Variants in CDC14B observed in about 807,000 individuals in gnomAD.
CDC14B encodes cell division cycle 14B.
CDC14B carries 22 observed loss-of-function variants against 64.2 expected under a neutral mutation model. That is an observed-to-expected ratio of 0.34 (90% CI 0.24 to 0.49). The LOEUF is 0.49. CDC14B is among the 20% of genes least tolerant of loss of function. The probability of loss-of-function intolerance (pLI) is 0.99; values close to 1 mark genes in which losing one functional copy is unlikely to be tolerated. For missense variants in CDC14B, 498 were observed against 629.9 expected, an observed-to-expected ratio of 0.79 and a Z score of 2.24; for synonymous variants, 191 against 215.8, an observed-to-expected ratio of 0.89 and a Z score of 1.01.
At chr9:96,588,646 C>G (rs1306859912) in intron 1 of CDC14B, among the ~76,000 whole-genome samples, 1 of 152,052 alleles carries the variant, frequency 6.6e-6, no homozygotes, top group Non-Finnish European at 1.5e-5. Context: ...AACACCATAC[C>G]TGGCTAAGTT....
chr9:96,601,228 G>A (rs1312905365), intron 1 of CDC14B, among the ~76,000 whole-genome samples: 1 of 152,136 alleles, frequency 6.6e-6, no homozygotes, highest in Non-Finnish European at 1.5e-5. Flanking sequence ...GCCAGGTGTG[G>A]TGGCTCACAC....
intron 4 of CDC14B, among the ~76,000 whole-genome samples, chr9:96,556,014 T>A (rs1026020361): frequency 6.6e-6 from 1 of 152,190 alleles, no homozygotes; most frequent in African/African-American, 2.4e-5. Flanking sequence ...TTTCAATGTT[T>A]CAATGCTGAC....
At position 96,503,640 on chromosome 9, in the gene CDC14B, G is replaced by A; in HGVS notation, c.*113C>T. 14 of 894,370 alleles carry A rather than the reference G, an allele frequency of 1.6e-5. No homozygotes were observed. In the South Asian group the frequency reaches 1.9e-4, roughly 12 times the overall value. 55.4% of individuals were successfully genotyped at this position (894,370 alleles called of 1,614,324 possible). ...TTTTCTCCATTGATCAACTTCTTAG[G>A]TGGAAAAAGCAACTAAGGCTTTTGC... On this transcript the variant is annotated 3_prime_UTR_variant, in exon 14 of 14. Coordinates refer to ENST00000375241, the MANE Select transcript of CDC14B (RefSeq NM_033331.4).
chr9:96,504,538 G>A (rs1363927087), intron 13 of CDC14B, among the ~76,000 whole-genome samples: 2 of 152,228 alleles, frequency 1.3e-5, no homozygotes, highest in African/African-American at 4.8e-5. Flanking sequence ...AGAGCACTGA[G>A]TCAAAGATCC....
chr9:96,584,702 G>A (rs1421186876), intron 1 of CDC14B, among the ~76,000 whole-genome samples: 1 of 152,196 alleles, frequency 6.6e-6, no homozygotes, highest in African/African-American at 2.4e-5. Flanking sequence ...CGCCCAGGCT[G>A]TAGTGCAGTG....
At chr9:96,574,507 A>C (rs904634966) in intron 1 of CDC14B, among the ~76,000 whole-genome samples, 1 of 152,072 alleles carries the variant, frequency 6.6e-6, no homozygotes, top group Non-Finnish European at 1.5e-5. Flanking sequence ...ATATATAGGA[A>C]AATAACTCAT....
chr9:96,550,640 G>T (rs1841662983), intron 5 of CDC14B, among the ~76,000 whole-genome samples: 1 of 152,156 alleles, frequency 6.6e-6, no homozygotes, highest in African/African-American at 2.4e-5. Context: ...GGAAGAACAA[G>T]CAGTTTTTGA....
chr9:96,592,785 C>CA (rs1460460480), intron 1 of CDC14B, among the ~76,000 whole-genome samples: 3 of 151,484 alleles, frequency 2.0e-5, no homozygotes, highest in Non-Finnish European at 4.4e-5. Flanking sequence ...AAAACAAAAA[C>CA]AAAAAAACAG....
rs1175762827 is a variant in CDC14B at position 96,619,754 on chromosome 9, G to C, written c.-376C>G. The C allele has an allele frequency of 6.6e-6, 1 of 151,410 alleles. No homozygotes were observed. Among genetic ancestry groups the C allele is most frequent in the South Asian group, 2.1e-4 (1 of 4,822 alleles). The allele number at this position is 151,410 out of a possible 1,614,324, so 9.4% of individuals were successfully genotyped here. On this transcript the variant is annotated 5_prime_UTR_variant, in exon 1 of 14. Coordinates refer to ENST00000375241, the MANE Select transcript of CDC14B (RefSeq NM_033331.4). ...CGGGGTAACCGTGCGTGCCCACCGC[G>C]GCCGCGGCCGCTGCTGCGTAGGCGC...
intron 4 of CDC14B, among the ~76,000 whole-genome samples, chr9:96,554,553 TG>T (rs1842252952): frequency 6.6e-6 from 1 of 152,102 alleles, no homozygotes; most frequent in Non-Finnish European, 1.5e-5. Flanking sequence ...TTTTTTCCTA[TG>T]GGGGAAAAAA....
downstream of CDC14B, among the ~76,000 whole-genome samples, chr9:96,499,516 T>C (rs1399895619): frequency 1.3e-5 from 2 of 152,228 alleles, no homozygotes; most frequent in Non-Finnish European, 2.9e-5. Context: ...AGAGCCTGAC[T>C]GACTTAAGTC....
At chr9:96,599,860 T>C (rs1243600619) in intron 1 of CDC14B, among the ~76,000 whole-genome samples, 1 of 152,024 alleles carries the variant, frequency 6.6e-6, no homozygotes, top group African/African-American at 2.4e-5. Flanking sequence ...CCCTCCCAAG[T>C]AGCTGGGACT....
chr9:96,601,468 G>A (rs1414989690), intron 1 of CDC14B, among the ~76,000 whole-genome samples: 1 of 151,280 alleles, frequency 6.6e-6, no homozygotes, highest in Non-Finnish European at 1.5e-5. Flanking sequence ...CTGCACTCCA[G>A]CCTGGTGACA....
chr9:96,543,074 C>T (rs531448746), intron 5 of CDC14B, among the ~76,000 whole-genome samples: 12 of 151,028 alleles, frequency 7.9e-5, no homozygotes, highest in Non-Finnish European at 1.8e-4. Context: ...CAGTGGCTAA[C>T]GCCTGTAATC....
intron 1 of CDC14B, among the ~76,000 whole-genome samples, chr9:96,584,875 C>T (rs188135381): frequency 0.014 from 2,090 of 152,222 alleles, 43 homozygotes; most frequent in Non-Finnish European, 0.02. Flanking sequence ...AGGCTGGTCT[C>T]GAACTCCTGA....
chr9:96,565,296 A>G, intron 2 of CDC14B, 97 bp downstream of exon 2: 1 of 718,098 alleles, frequency 1.4e-6, no homozygotes, highest in Non-Finnish European at 2.4e-6. Context: ...ATTAGCAATC[A>G]ATAGATTTAT....
intron 3 of CDC14B, among the ~76,000 whole-genome samples, chr9:96,563,982 C>T (rs763118005): frequency 2.6e-5 from 4 of 152,156 alleles, no homozygotes; most frequent in Non-Finnish European, 5.9e-5. Context: ...GGAAAAACAT[C>T]TGCCTTACCC....
intron 1 of CDC14B, among the ~76,000 whole-genome samples, chr9:96,597,742 TG>T (rs1846182105): frequency 6.6e-6 from 1 of 152,194 alleles, no homozygotes; most frequent in African/African-American, 2.4e-5. Flanking sequence ...ATTTATACAA[TG>T]GAATGAATGG....
chr9:96,538,268 T>C (rs916421655), intron 7 of CDC14B, among the ~76,000 whole-genome samples: 11 of 152,198 alleles, frequency 7.2e-5, no homozygotes, highest in African/African-American at 2.7e-4. Flanking sequence ...GGCACACTCA[T>C]TCACTCTAGA....
Sources: gnomAD v4.1 joint callset for allele counts (sites outside exome capture counted in the v4.1 genomes callset) on GRCh38, gnomAD v4.1.1 for gene constraint, MANE v1.5 for transcripts, NCBI Gene and HGNC (gene_info 2026-07-23, HGNC 2026-07-21) for gene names.